The following DDI2 variants were observed in gnomAD, a reference collection of about 807,000 sequenced individuals.
DDI2 encodes the protein DDI proteasomal shuttling factor 2, also known as protein DDI1 homolog 2.
In DDI2, 5 loss-of-function variants were observed where a neutral mutation model predicts 48.1. That is an observed-to-expected ratio of 0.10 (90% CI 0.05 to 0.22). The LOEUF is 0.22. Ranked by LOEUF, DDI2 falls within the 10% of genes least tolerant of loss-of-function variation. DDI2 has a pLI of 1.00. For missense variants in DDI2, 285 were observed against 506.2 expected (o/e 0.56, Z 4.19); for synonymous variants, 205 against 183.6 (o/e 1.12, Z -0.94).
At chr1:15,643,408 C>G in intron 5 of DDI2, 114 bp from the exon 6 acceptor site, 1 of 1,457,946 alleles carries the variant, frequency 6.9e-7, no homozygotes, top group Non-Finnish European at 9.2e-7. Flanking sequence ...TTTATAGAGA[C>G]CAAAGCCTTG....
chr1:15,631,771 T>C (rs561532597), intron 3 of DDI2, among the ~76,000 whole-genome samples: 153 of 152,256 alleles, frequency 1.0e-3, no homozygotes, highest in African/African-American at 3.5e-3. Context: ...TTCATGTATA[T>C]GGAATAATAG....
intron 1 of DDI2, among the ~76,000 whole-genome samples, chr1:15,618,947 T>G (rs1398594691): frequency 6.6e-6 from 1 of 152,242 alleles, no homozygotes; most frequent in African/African-American, 2.4e-5. Flanking sequence ...TGTTCAGAAG[T>G]ATGATTCCTT....
intron 2 of DDI2, among the ~76,000 whole-genome samples, chr1:15,627,282 T>A (rs1639773424): frequency 6.6e-6 from 1 of 152,212 alleles, no homozygotes; most frequent in Non-Finnish European, 1.5e-5. Flanking sequence ...CTAATTTGCA[T>A]AATAATTTAT....
rs1640456269 is a variant in DDI2, at chr1:15,666,628, A to G, written c.*6838A>G. On this transcript the variant is annotated 3_prime_UTR_variant, in exon 10 of 10. Coordinates refer to ENST00000480945, the MANE Select transcript of DDI2 (RefSeq NM_032341.5). ...AGTCTTTGAACAAGAATTCCTTGCT[A>G]CTTTGATTCATTCATCAAATACTGA... 6.6e-6 allele frequency: 1 copy of G among 152,204 alleles called. No homozygotes were observed. Among genetic ancestry groups the G allele is most frequent in the Non-Finnish European group, 1.5e-5 (1 of 68,030 alleles). The allele number at this position is 152,204 out of a possible 1,614,324, so 9.4% of individuals were successfully genotyped here.
intron 1 of DDI2, among the ~76,000 whole-genome samples, chr1:15,623,681 C>T (rs1158443428): frequency 6.6e-6 from 1 of 151,952 alleles, no homozygotes; most frequent in African/African-American, 2.4e-5. Flanking sequence ...GGAATTAAGG[C>T]GTGAGCCATG....
At chr1:15,620,808 G>A (rs1267368649) in intron 1 of DDI2, among the ~76,000 whole-genome samples, 1 of 152,020 alleles carries the variant, frequency 6.6e-6, no homozygotes, top group Non-Finnish European at 1.5e-5. Flanking sequence ...AAGTAACATT[G>A]TACACACACA....
chr1:15,646,408 T>A (rs1044607262), intron 6 of DDI2, among the ~76,000 whole-genome samples: 2 of 152,052 alleles, frequency 1.3e-5, no homozygotes, highest in African/African-American at 4.8e-5. Context: ...GCCTTAGGGC[T>A]GGGCATGGTG....
At chr1:15,630,878 C>G (rs1283961989) in intron 3 of DDI2, among the ~76,000 whole-genome samples, 3 of 152,208 alleles carry the variant, frequency 2.0e-5, no homozygotes, top group East Asian at 1.9e-4. Context: ...GAGTCTTGCT[C>G]TTTCGCCCAG....
At chr1:15,644,954 A>T (rs1640066793) in intron 6 of DDI2, among the ~76,000 whole-genome samples, 1 of 151,536 alleles carries the variant, frequency 6.6e-6, no homozygotes, top group Non-Finnish European at 1.5e-5. Flanking sequence ...CAGTGGCACG[A>T]TCTCAGCTCA....
At position 15,660,573 on chromosome 1, in the gene DDI2, A is replaced by G; in HGVS notation, c.*783A>G. ...CTCCAAGTGCGAAGAAAAGTATTCC[A>G]TCTTCAGAATGCAGTGGCTGCTCAA... On this transcript the variant is annotated 3_prime_UTR_variant, in exon 10 of 10. Transcript: ENST00000480945. 2 of 1,613,776 alleles carry G rather than the reference A, an allele frequency of 1.2e-6. No individual in the cohort carries two copies. The highest frequency in any genetic ancestry group is 1.1e-5 in the South Asian group (1 of 90,910).
At position 15,621,920 on chromosome 1, in the gene DDI2, A is replaced by G. The variant is rs116494863; in HGVS notation, c.138+4112A>G. Among the ~76,000 whole-genome samples the G allele has an allele frequency of 3.9e-3, 597 of 152,254 alleles. 2 individuals are homozygous for G. The highest frequency in any genetic ancestry group is 0.014 in the African/African-American group (576 of 41,542). ...TAAAGTCTTTGAAAGGTTTTTAGTA[A>G]ATTTAGATTATACAAGTCAAATTGG... On this transcript the variant is annotated intron_variant, in intron 1 of 9. Transcript: ENST00000480945.
Position 15,661,764 on chromosome 1 carries a change from CAA to C in DDI2, c.*1977_*1978del, listed in dbSNP as rs777854198. The C allele has an allele frequency of 4.9e-5, 76 of 1,548,870 alleles. No individual in the cohort carries two copies. Among genetic ancestry groups the C allele is most frequent in the Non-Finnish European group, 6.0e-5 (69 of 1,149,596 alleles). Reference sequence around the variant, plus strand: ...TAGACCGTTCTCCATTCCCTTTAAACAAAAGAAAGCTCTCTCTATATACACGC... The same window carrying C: ...TAGACCGTTCTCCATTCCCTTTAAACAAGAAAGCTCTCTCTATATACACGC... On this transcript the variant is annotated 3_prime_UTR_variant, in exon 10 of 10. Transcript: ENST00000480945.
At chr1:15,634,556 A>C (rs1474969887) in intron 4 of DDI2, among the ~76,000 whole-genome samples, 1 of 11,314 alleles carries the variant, frequency 8.8e-5, no homozygotes, top group African/African-American at 3.0e-3. Context: ...TTTTTGAGAC[A>C]AGGTCTCACT....
chr1:15,622,191 G>C (rs1639676313), intron 1 of DDI2, among the ~76,000 whole-genome samples: 1 of 140,364 alleles, frequency 7.1e-6, no homozygotes, highest in Non-Finnish European at 1.5e-5. Flanking sequence ...CTCCCAAGTA[G>C]CTGCGACTTT....
At chr1:15,648,790 C>G (rs1640129713) in intron 6 of DDI2, among the ~76,000 whole-genome samples, 2 of 138,320 alleles carry the variant, frequency 1.4e-5, no homozygotes, top group Non-Finnish European at 3.0e-5. Flanking sequence ...TTGCTTGAGC[C>G]TAGGAGTTTG....
At position 15,666,932 on chromosome 1, in the gene DDI2, C is replaced by T. The variant is rs1640462322; in HGVS notation, c.*7142C>T. 1 of 152,022 alleles carries T rather than the reference C, an allele frequency of 6.6e-6. No homozygotes were observed. The allele number at this position is 152,022 out of a possible 1,614,324, so 9.4% of individuals were successfully genotyped here. A position where few individuals can be genotyped will look rare whatever the true frequency, so the allele number is the denominator to read the frequency against. On this transcript the variant is annotated 3_prime_UTR_variant, in exon 10 of 10. Transcript: ENST00000480945. Reference sequence around the variant, plus strand: ...TCTTTAAAAATCTATTTTTTTAGGCCAGGTGCGTTGGCTCACACCTGTAAT... The same window carrying T: ...TCTTTAAAAATCTATTTTTTTAGGCTAGGTGCGTTGGCTCACACCTGTAAT...
Position 15,649,730 on chromosome 1 carries a change from G to A in DDI2, c.900G>A (p.Gln300=), listed in dbSNP as rs1472728171. ...TCATGTGCTTTTTAGCTCAGGTTCAGATTGAAGGAGATTTTTTGCCATGTT... is the reference window on the plus strand; with the variant it reads ...TCATGTGCTTTTTAGCTCAGGTTCAAATTGAAGGAGATTTTTTGCCATGTT... ...IIGRVHLAQV[Q]IEGDFLPCSF... is the part of the protein sequence containing the mutation. Residue 300 remains glutamine, a synonymous_variant, in exon 7 of 10, where the codon CAG becomes CAA. Transcript: ENST00000480945. 2 of 1,612,610 alleles carry A rather than the reference G, an allele frequency of 1.2e-6. No individual in the cohort carries two copies. Among genetic ancestry groups the A allele is most frequent in the South Asian group, 2.2e-5 (2 of 90,758 alleles).
intron 8 of DDI2, among the ~76,000 whole-genome samples, chr1:15,652,755 G>A (rs893200757): frequency 7.9e-5 from 12 of 151,954 alleles, no homozygotes; most frequent in Non-Finnish European, 1.5e-4. Flanking sequence ...CCCAGGGGGC[G>A]GAGCTTGCAG....
chr1:15,624,263 C>A (rs1639718577), intron 1 of DDI2, among the ~76,000 whole-genome samples: 1 of 152,138 alleles, frequency 6.6e-6, no homozygotes, highest in Non-Finnish European at 1.5e-5. Context: ...TGTTGCACAC[C>A]TCAACCTGTG....
Sources: allele counts gnomAD v4.1 joint callset (sites outside exome capture counted in the v4.1 genomes callset), GRCh38; gene constraint gnomAD v4.1.1; transcripts MANE v1.5; gene names NCBI Gene and HGNC (gene_info 2026-07-23, HGNC 2026-07-21).